IFT140: variants seen among roughly 807,000 people sequenced by gnomAD.
IFT140 encodes the protein intraflagellar transport protein 140 homolog.
In IFT140, 133 loss-of-function variants were observed where a neutral mutation model predicts 164.6. That is an observed-to-expected ratio of 0.81 (90% confidence interval 0.70 to 0.93). The LOEUF (loss-of-function observed/expected upper bound fraction) is 0.93, where lower values mean the gene tolerates loss of function less well. Among genes scored for constraint, IFT140 ranks in the 40% least tolerant of loss-of-function variants. IFT140 has a pLI of 0.00. For missense variants in IFT140, 2,045 were observed against 1,972.3 expected (o/e 1.04, Z -0.70); for synonymous variants, 860 against 817.3 (o/e 1.05, Z -0.89).
At position 1,553,490 on chromosome 16, in the gene IFT140, G is replaced by A; in HGVS notation, c.2399+4445C>T. ...CAGGCCAGGCGGAGGGACAGCAGTG[G>A]GGCTCGGCGTGGCCGGAGCCTGGGG... On this transcript the variant is annotated intron_variant, in intron 19 of 30. Coordinates refer to ENST00000426508, the MANE Select transcript of IFT140 (RefSeq NM_014714.4). This position sits in a 1 kb window ranked among gnomAD's most constrained non-coding sequence, Gnocchi z 4.4. The A allele has an allele frequency of 1.0e-6, 1 of 985,466 alleles. No individual in the cohort carries two copies. The highest frequency in any genetic ancestry group is 1.2e-6 in the Non-Finnish European group (1 of 829,922). The allele number at this position is 985,466 out of a possible 1,614,324, so 61.0% of individuals were successfully genotyped here.
chr16:1,564,750 G>A lies in IFT140; in HGVS notation c.1902-588C>T, dbSNP rs145281037. Among the ~76,000 whole-genome samples, 1 of 152,316 alleles carries A rather than the reference G, an allele frequency of 6.6e-6. No individual in the cohort carries two copies. The highest frequency in any genetic ancestry group is 1.5e-5 in the Non-Finnish European group (1 of 68,022). ...GTGAGGAGGCCTATGAGCCTCATTC[G>A]CCGCCCCCAGGGTGTCACGAACCCA... On this transcript the variant is annotated intron_variant, in intron 16 of 30. Transcript: ENST00000426508. The surrounding 1 kb of genome is among the most constrained non-coding windows in gnomAD (Gnocchi z 5.5).
At chr16:1,558,933 A>G (rs56289115) in intron 18 of IFT140, among the ~76,000 whole-genome samples, 66,856 of 152,186 alleles carry the variant, frequency 0.44, 16,189 homozygotes, top group African/African-American at 0.65. Flanking sequence ...TCCTGCAGAA[A>G]CTGACTTGCG....
chr16:1,563,772 G>A (rs1026474320), intron 17 of IFT140, among the ~76,000 whole-genome samples: 2 of 152,130 alleles, frequency 1.3e-5, no homozygotes, highest in African/African-American at 4.8e-5. Flanking sequence ...ATGCTAGGAA[G>A]ATTTTTTTTA....
intron 19 of IFT140, among the ~76,000 whole-genome samples, chr16:1,556,835 A>C (rs1316393826): frequency 1.3e-5 from 2 of 152,178 alleles, no homozygotes; most frequent in Admixed American, 1.3e-4. Context: ...TTTTGGACGG[A>C]GTCTCACTCT....
chr16:1,539,244 C>T (rs1046578795), intron 19 of IFT140, among the ~76,000 whole-genome samples: 1 of 151,848 alleles, frequency 6.6e-6, no homozygotes, highest in Non-Finnish European at 1.5e-5. Context: ...ACTCACCAAG[C>T]CACACGGTGC....
At chr16:1,562,761 G>A (rs548301728) in intron 17 of IFT140, among the ~76,000 whole-genome samples, 2 of 151,978 alleles carry the variant, frequency 1.3e-5, no homozygotes, top group Non-Finnish European at 2.9e-5. Context: ...GACAGAGCAG[G>A]ACTCCATCTC....
At chr16:1,539,172 C>T (rs958644141) in intron 19 of IFT140, among the ~76,000 whole-genome samples, 26 of 149,016 alleles carry the variant, frequency 1.7e-4, no homozygotes, top group African/African-American at 5.5e-4. Context: ...CACAGTGCCA[C>T]GCCGCCCCAC....
At chr16:1,582,950 C>T (rs969408486) in intron 12 of IFT140, among the ~76,000 whole-genome samples, 11 of 152,212 alleles carry the variant, frequency 7.2e-5, no homozygotes, top group South Asian at 2.1e-4. Context: ...TTGAGATTAA[C>T]GGAGCATGTC....
intron 19 of IFT140, chr16:1,555,155 C>T (rs575000478): frequency 1.7e-4 from 202 of 1,208,650 alleles, no homozygotes; most frequent in Non-Finnish European, 2.1e-4. Flanking sequence ...GTGACCTCTG[C>T]GCCATGCGTG....
At chr16:1,536,511 G>A (rs1355084910) in intron 19 of IFT140, among the ~76,000 whole-genome samples, 1 of 152,244 alleles carries the variant, frequency 6.6e-6, no homozygotes, top group African/African-American at 2.4e-5. Context: ...GTGAACCTGA[G>A]CAGCGAAGGT....
At chr16:1,595,244 C>T (rs1043610741) in intron 4 of IFT140, among the ~76,000 whole-genome samples, 2 of 152,054 alleles carry the variant, frequency 1.3e-5, no homozygotes, top group African/African-American at 4.8e-5. Context: ...GAGATGGCGC[C>T]ACTGCACTCC....
chr16:1,608,777 G>A (rs1243218519), intron 2 of IFT140, among the ~76,000 whole-genome samples: 3 of 152,104 alleles, frequency 2.0e-5, no homozygotes, highest in African/African-American at 4.8e-5. Context: ...GAGCAGTGGT[G>A]TGATCATGGC....
intron 12 of IFT140, among the ~76,000 whole-genome samples, chr16:1,581,987 G>A (rs904012829): frequency 6.6e-6 from 1 of 152,112 alleles, no homozygotes; most frequent in Non-Finnish European, 1.5e-5. Flanking sequence ...AGGTGGGGGC[G>A]TTCAAACACA....
chr16:1,606,142 G>A (rs1044643661), intron 3 of IFT140, among the ~76,000 whole-genome samples: 1 of 152,158 alleles, frequency 6.6e-6, no homozygotes, highest in African/African-American at 2.4e-5. Flanking sequence ...TGGAGTTCTC[G>A]CCTCCAGAGC....
rs375417413 is a variant in IFT140 at position 1,587,990 on chromosome 16, T to A, written c.845A>T (p.Asp282Val). 1 of 1,613,782 alleles carries A rather than the reference T, an allele frequency of 6.2e-7. No individual in the cohort carries two copies. Among genetic ancestry groups the A allele is most frequent in the African/African-American group, 1.3e-5 (1 of 74,916 alleles). ...KLSGKTGRRA[D>V]IALIEGSLLV... ...AAGGCTGCCTTCAATCAAAGCGATG[T>A]CTGCCCGGCGGCCGGTTTTCCCGCT... The change falls in exon 8 of 31, where the codon GAC becomes GTC. Residue 282 changes from aspartate to valine, a missense_variant. Physicochemically the swap from Asp to Val is radical, Grantham distance 152. Coordinates refer to ENST00000426508, the MANE Select transcript of IFT140 (RefSeq NM_014714.4).
At chr16:1,607,025 C>T in intron 3 of IFT140, 95 bp downstream of exon 3, 1 of 1,265,426 alleles carries the variant, frequency 7.9e-7, no homozygotes, top group South Asian at 1.3e-5. Flanking sequence ...CCCATAGGCA[C>T]ACACACACAT....
rs1368964493 is a variant in IFT140, at chr16:1,564,260, C to T, written c.1902-98G>A. The T allele has an allele frequency of 2.8e-6, 3 of 1,080,500 alleles. No individual in the cohort carries two copies. The African/African-American group carries it at 4.9e-5, about 18-fold the overall frequency. The allele number at this position is 1,080,500 out of a possible 1,614,324, so 66.9% of individuals were successfully genotyped here. ...TTCCCGAAGCCTCCAGGTGCTGTCCCAGACCATGGTGTCCACGCGCTCAGC... is the reference window on the plus strand; with the variant it reads ...TTCCCGAAGCCTCCAGGTGCTGTCCTAGACCATGGTGTCCACGCGCTCAGC... On this transcript the variant is annotated intron_variant, in intron 16 of 30. Transcript: ENST00000426508. This position sits in a 1 kb window ranked among gnomAD's most constrained non-coding sequence, Gnocchi z 5.5.
chr16:1,587,792 G>C, intron 8 of IFT140, 141 bp downstream of exon 8: 2 of 654,976 alleles, frequency 3.1e-6, no homozygotes, highest in Non-Finnish European at 5.2e-6. Context: ...CTGGGAGCTG[G>C]TGAATGGGTA....
chr16:1,545,377 C>CA (rs1465092891), intron 19 of IFT140, among the ~76,000 whole-genome samples: 5 of 152,202 alleles, frequency 3.3e-5, no homozygotes, highest in African/African-American at 1.2e-4. Flanking sequence ...CCTCAGTGTC[C>CA]AACCATCACC....
Sources: gnomAD v4.1 joint callset for allele counts (sites outside exome capture counted in the v4.1 genomes callset) on GRCh38, gnomAD v4.1.1 for gene constraint, Gnocchi (gnomAD v3.1) non-coding constraint, MANE v1.5 for transcripts, NCBI Gene and HGNC (gene_info 2026-07-23, HGNC 2026-07-21) for gene names.